The following UMAD1 variants were observed in gnomAD, a reference collection of about 807,000 sequenced individuals.
UMAD1 encodes UBAP1-MVB12-associated (UMA)-domain containing protein 1.
A neutral mutation model predicts 6.1 loss-of-function variants in UMAD1; 8 were observed. That is an observed-to-expected ratio of 1.30 (90% CI 0.76 to 2.35). The LOEUF (loss-of-function observed/expected upper bound fraction) is 2.35. UMAD1 is among the 30% of genes most tolerant of loss of function. UMAD1 has a pLI of 0.00. For missense variants in UMAD1, 130 were observed against 78.4 expected, an observed-to-expected ratio of 1.66 and a Z score of -2.49; for synonymous variants, 56 against 31.4, an observed-to-expected ratio of 1.78 and a Z score of -2.61.
chr7:7,760,517 A>G (rs909676312), intron 2 of UMAD1, among the ~76,000 whole-genome samples: 1 of 151,914 alleles, frequency 6.6e-6, no homozygotes, highest in Non-Finnish European at 1.5e-5. Context: ...ACCAAAGCCA[A>G]AGTGAGGGGA....
chr7:7,860,167 A>G (rs1784087159), intron 3 of UMAD1, among the ~76,000 whole-genome samples: 1 of 152,216 alleles, frequency 6.6e-6, no homozygotes, highest in African/African-American at 2.4e-5. Flanking sequence ...AGCTGTTTCA[A>G]ACAAGATTGA....
chr7:7,799,602 G>A (rs542700824), intron 2 of UMAD1, among the ~76,000 whole-genome samples: 5 of 152,266 alleles, frequency 3.3e-5, no homozygotes, highest in Non-Finnish European at 5.9e-5. Flanking sequence ...TTTATAGTGC[G>A]TTATACGTAT....
intron 3 of UMAD1, among the ~76,000 whole-genome samples, chr7:7,875,010 G>A (rs1402941073): frequency 6.6e-6 from 1 of 152,128 alleles, no homozygotes; most frequent in Non-Finnish European, 1.5e-5. Flanking sequence ...CCGACCTCAG[G>A]TGATCTGCCC....
At chr7:7,811,755 C>G (rs1783026042) in intron 3 of UMAD1, among the ~76,000 whole-genome samples, 1 of 152,070 alleles carries the variant, frequency 6.6e-6, no homozygotes, top group African/African-American at 2.4e-5. Flanking sequence ...AGCTTTATGG[C>G]CTGTTGGGTG....
chr7:7,655,296 T>G (rs1396408431), intron 1 of UMAD1, among the ~76,000 whole-genome samples: 1 of 152,216 alleles, frequency 6.6e-6, no homozygotes, highest in African/African-American at 2.4e-5. Flanking sequence ...CGTTTAAGGA[T>G]TTCATGTTTG....
chr7:7,773,242 C>T (rs1583814472), intron 2 of UMAD1, among the ~76,000 whole-genome samples: 1 of 152,110 alleles, frequency 6.6e-6, no homozygotes, highest in African/African-American at 2.4e-5. Context: ...GCTTTTTAGA[C>T]CTGCTTTGTA....
chr7:7,759,041 A>G (rs1032197411), intron 2 of UMAD1, among the ~76,000 whole-genome samples: 1 of 152,214 alleles, frequency 6.6e-6, no homozygotes, highest in Admixed American at 6.5e-5. Context: ...CTAGCTCAAA[A>G]TTGCACTTCT....
chr7:7,727,911 C>A (rs1781171418), intron 2 of UMAD1, among the ~76,000 whole-genome samples: 1 of 152,036 alleles, frequency 6.6e-6, no homozygotes, highest in Admixed American at 6.6e-5. Flanking sequence ...TTTAATGCTC[C>A]TTAATAAACT....
intron 2 of UMAD1, among the ~76,000 whole-genome samples, chr7:7,761,795 C>G (rs573142221): frequency 1.1e-4 from 16 of 152,292 alleles, no homozygotes; most frequent in East Asian, 9.6e-4. Flanking sequence ...CAGCTCTCCC[C>G]CCTTGTGACA....
intron 1 of UMAD1, among the ~76,000 whole-genome samples, chr7:7,666,184 TTTTGTTTG>T (rs146878102): frequency 0.03 from 4,521 of 150,282 alleles, 117 homozygotes; most frequent in Admixed American, 0.044. Context: ...GGAAAGTGTT[TTTTGTTTG>T]TTTGTTTGTT....
chr7:7,782,533 ATTTT>A (rs200856113), intron 2 of UMAD1, among the ~76,000 whole-genome samples: 1 of 151,744 alleles, frequency 6.6e-6, no homozygotes, highest in Admixed American at 6.6e-5. Context: ...AATTTTTAAA[ATTTT>A]TTTTATTTTC....
At chr7:7,854,239 C>T (rs1783971308) in intron 3 of UMAD1, among the ~76,000 whole-genome samples, 1 of 150,596 alleles carries the variant, frequency 6.6e-6, no homozygotes. Context: ...CCTGTAATCC[C>T]AGCTACTCAG....
chr7:7,771,442 A>G (rs1275520197), intron 2 of UMAD1, among the ~76,000 whole-genome samples: 1 of 152,194 alleles, frequency 6.6e-6, no homozygotes, highest in Admixed American at 6.5e-5. Flanking sequence ...TATTTTCAGT[A>G]TAAACCTCTT....
At chr7:7,848,250 T>C (rs1783848075) in intron 3 of UMAD1, among the ~76,000 whole-genome samples, 1 of 152,216 alleles carries the variant, frequency 6.6e-6, no homozygotes, top group Non-Finnish European at 1.5e-5. Context: ...TCAAGATATA[T>C]ATTATGGCCA....
intron 2 of UMAD1, among the ~76,000 whole-genome samples, chr7:7,774,745 T>C (rs73051921): frequency 0.065 from 9,938 of 152,310 alleles, 449 homozygotes; most frequent in Non-Finnish European, 0.093. Context: ...ATTTCAACTC[T>C]TGTCATCCTT....
chr7:7,874,450 A>G (rs1784381458), intron 3 of UMAD1, among the ~76,000 whole-genome samples: 1 of 152,218 alleles, frequency 6.6e-6, no homozygotes. Flanking sequence ...AATTTAGATG[A>G]ATCTCATCCA....
chr7:7,700,352 G>A (rs2115152635), intron 2 of UMAD1, among the ~76,000 whole-genome samples: 1 of 152,250 alleles, frequency 6.6e-6, no homozygotes, highest in African/African-American at 2.4e-5. Context: ...ACTATGAGGG[G>A]TAGGATTTCA....
intron 1 of UMAD1, among the ~76,000 whole-genome samples, chr7:7,657,352 G>A (rs534596794): frequency 1.0e-3 from 154 of 152,042 alleles, no homozygotes; most frequent in Non-Finnish European, 1.8e-3. Flanking sequence ...TTTTGTTGCC[G>A]TTGCTTTTGG....
chr7:7,799,606 T>C (rs1782758774), intron 2 of UMAD1, among the ~76,000 whole-genome samples: 1 of 152,252 alleles, frequency 6.6e-6, no homozygotes, highest in Admixed American at 6.5e-5. Flanking sequence ...TAGTGCGTTA[T>C]ACGTATTTTC....
Sources: gnomAD v4.1 joint callset for allele counts (sites outside exome capture counted in the v4.1 genomes callset) on GRCh38, gnomAD v4.1.1 for gene constraint, MANE v1.5 for transcripts, NCBI Gene and HGNC (gene_info 2026-07-23, HGNC 2026-07-21) for gene names.